LTBP1: variants seen among roughly 807,000 people sequenced by gnomAD.
The protein encoded by LTBP1 is latent-transforming growth factor beta-binding protein 1.
Under a neutral mutation model 207.6 loss-of-function variants are expected in LTBP1, and 129 were observed. That is an observed-to-expected ratio of 0.62 (90% confidence interval 0.54 to 0.72). The LOEUF is 0.72. Among genes scored for constraint, LTBP1 ranks in the 30% least tolerant of loss-of-function variants. The pLI is 0.00. For synonymous variants in LTBP1, 963 were observed against 833.7 expected (o/e 1.16, Z -2.67); for missense variants, 2,281 against 2,217.2 (o/e 1.03, Z -0.58).
intron 24 of LTBP1, among the ~76,000 whole-genome samples, chr2:33,316,935 A>G (rs527925583): frequency 4.8e-4 from 73 of 152,344 alleles, no homozygotes; most frequent in African/African-American, 1.7e-3. Flanking sequence ...GGTCTGTGGT[A>G]TAACTACTGA....
At chr2:33,326,234 A>G (rs1046792340) in intron 24 of LTBP1, among the ~76,000 whole-genome samples, 2 of 152,148 alleles carry the variant, frequency 1.3e-5, no homozygotes, top group African/African-American at 4.8e-5. Flanking sequence ...GGCACACACA[A>G]TGGCTTTCTC....
At chr2:33,242,218 A>G (rs185732534) in intron 9 of LTBP1, among the ~76,000 whole-genome samples, 1 of 152,166 alleles carries the variant, frequency 6.6e-6, no homozygotes, top group East Asian at 1.9e-4. Context: ...TGAGGGCTGT[A>G]TTTTCTTTTT....
chr2:33,014,325 A>G (rs949320519), intron 2 of LTBP1, among the ~76,000 whole-genome samples: 3 of 152,156 alleles, frequency 2.0e-5, no homozygotes, highest in African/African-American at 2.4e-5. Flanking sequence ...ACGAAACAAC[A>G]GCATTTATTT....
intron 12 of LTBP1, among the ~76,000 whole-genome samples, chr2:33,258,272 C>G (rs924210562): frequency 1.4e-4 from 21 of 152,318 alleles, no homozygotes; most frequent in African/African-American, 4.3e-4. Flanking sequence ...TCAGAAGGAA[C>G]AAACCTTTTG....
intron 4 of LTBP1, among the ~76,000 whole-genome samples, chr2:33,125,849 C>A (rs867275533): frequency 4.2e-4 from 63 of 151,076 alleles, no homozygotes; most frequent in African/African-American, 1.5e-3. Context: ...AAAAAAATTA[C>A]TCCAAACTGT....
Position 33,368,470 on chromosome 2 carries a change from G to A in LTBP1, c.4711+2967G>A, listed in dbSNP as rs74932520. Among the ~76,000 whole-genome samples the A allele has an allele frequency of 0.017, 2,528 of 152,256 alleles. 195 individuals are homozygous for A. In the East Asian group the frequency reaches 0.22, roughly 13 times the overall value. On this transcript the variant is annotated intron_variant, in intron 31 of 33. Coordinates refer to ENST00000404816, the MANE Select transcript of LTBP1 (RefSeq NM_206943.4). The stretch of plus-strand genomic sequence containing the variant: ...ATAATGACTTCATTCCCTTTGGGTA[G>A]GTACCCATAAACAATGCTGCAATGA...
intron 3 of LTBP1, among the ~76,000 whole-genome samples, chr2:33,054,582 A>G (rs113146137): frequency 0.01 from 1,550 of 152,320 alleles, 25 homozygotes; most frequent in African/African-American, 0.035. Context: ...CAAGAAAGGC[A>G]TGTGAAAAGA....
chr2:32,992,860 C>T (rs1006873510), intron 2 of LTBP1, among the ~76,000 whole-genome samples: 2 of 152,026 alleles, frequency 1.3e-5, no homozygotes, highest in African/African-American at 2.4e-5. Flanking sequence ...GTGTGCGTGG[C>T]AGTGCTGGAG....
chr2:33,245,014 G>A (rs2092462380), intron 10 of LTBP1, among the ~76,000 whole-genome samples: 1 of 152,114 alleles, frequency 6.6e-6, no homozygotes, highest in African/African-American at 2.4e-5. Context: ...AAGTAGCTGG[G>A]ATTATGGGCA....
rs2082005578 is a variant in LTBP1, at chr2:33,134,572, T to C, written c.1034-221T>C. ...TTGGAGTGCATCCCAGAGTTCTGTT[T>C]GCTAAGCTTCCTACTCCTGTTTCAG... On this transcript the variant is annotated intron_variant, in intron 4 of 33. Coordinates refer to ENST00000404816, the MANE Select transcript of LTBP1 (RefSeq NM_206943.4). This position sits in a 1 kb window ranked among gnomAD's most constrained non-coding sequence, Gnocchi z 4.4. 9 of 1,535,458 alleles carry C rather than the reference T, an allele frequency of 5.9e-6. No individual in the cohort carries two copies. The East Asian group carries it at 2.2e-4, about 38-fold the overall frequency.
At chr2:33,290,271 C>A (rs1371695536) in intron 19 of LTBP1, among the ~76,000 whole-genome samples, 1 of 152,204 alleles carries the variant, frequency 6.6e-6, no homozygotes, top group African/African-American at 2.4e-5. Flanking sequence ...GCCACCTTGA[C>A]AACCAAGCCT....
At chr2:33,140,619 T>TCATA (rs991606383) in intron 5 of LTBP1, among the ~76,000 whole-genome samples, 6 of 151,966 alleles carry the variant, frequency 3.9e-5, no homozygotes, top group Non-Finnish European at 8.8e-5. Context: ...TGAATAAATG[T>TCATA]CATAATGTAG....
At chr2:33,135,834 T>C (rs1236229030) in intron 5 of LTBP1, among the ~76,000 whole-genome samples, 1 of 152,210 alleles carries the variant, frequency 6.6e-6, no homozygotes. Context: ...CCATGTGTAC[T>C]CAAATAATCG....
At chr2:33,053,086 G>A (rs1043643783) in intron 3 of LTBP1, among the ~76,000 whole-genome samples, 17 of 152,158 alleles carry the variant, frequency 1.1e-4, no homozygotes, top group Admixed American at 5.2e-4. Flanking sequence ...GGTCAGGCTC[G>A]TCTTGAACTC....
intron 2 of LTBP1, among the ~76,000 whole-genome samples, chr2:32,988,553 T>C (rs1683937377): frequency 6.6e-6 from 1 of 152,218 alleles, no homozygotes; most frequent in African/African-American, 2.4e-5. Context: ...CTAGACTAAA[T>C]GAGGCACGAG....
At chr2:33,373,636 G>C (rs1237262703) in intron 31 of LTBP1, among the ~76,000 whole-genome samples, 1 of 152,130 alleles carries the variant, frequency 6.6e-6, no homozygotes, top group East Asian at 1.9e-4. Context: ...ATTATATACA[G>C]CTTGTGGTTT....
intron 32 of LTBP1, among the ~76,000 whole-genome samples, chr2:33,392,069 T>G (rs929596081): frequency 2.6e-5 from 4 of 152,208 alleles, no homozygotes; most frequent in African/African-American, 7.2e-5. Context: ...AGGTTTCTTA[T>G]CGCCTTTATG....
intron 3 of LTBP1, among the ~76,000 whole-genome samples, chr2:33,071,354 A>T (rs1260465598): frequency 2.0e-5 from 3 of 152,220 alleles, no homozygotes; most frequent in Non-Finnish European, 2.9e-5. Context: ...TTGTAAACGC[A>T]ATCTCAGAAG....
At chr2:33,371,537 G>A (rs2095067356) in intron 31 of LTBP1, among the ~76,000 whole-genome samples, 1 of 152,198 alleles carries the variant, frequency 6.6e-6, no homozygotes, top group Non-Finnish European at 1.5e-5. Flanking sequence ...TGATCTTGCT[G>A]AGAATTTCTA....
Sources: allele counts gnomAD v4.1 joint callset (sites outside exome capture counted in the v4.1 genomes callset), GRCh38; gene constraint gnomAD v4.1.1; non-coding constraint Gnocchi (gnomAD v3.1); transcripts MANE v1.5; gene names NCBI Gene and HGNC (gene_info 2026-07-23, HGNC 2026-07-21).